GSE1: variants seen among roughly 807,000 people sequenced by gnomAD.
The protein encoded by GSE1 is Gse1 coiled-coil protein, also known as genetic suppressor element 1.
Under a neutral mutation model 112.6 loss-of-function variants are expected in GSE1, and 32 were observed. The observed-to-expected ratio is 0.28, with a 90% confidence interval of 0.21 to 0.38. The LOEUF (loss-of-function observed/expected upper bound fraction) is 0.38, where lower values mean the gene tolerates loss of function less well. Ranked by LOEUF, GSE1 falls within the 10% of genes least tolerant of loss-of-function variation. GSE1 has a pLI of 1.00. For synonymous variants in GSE1, 1,115 were observed against 735.6 expected (o/e 1.52, Z -8.35); for missense variants, 2,348 against 1,699.2 (o/e 1.38, Z -6.71).
In GSE1 at chr16:85,534,646, C is replaced by T. The variant is rs1032652871; in HGVS notation, c.2465-99268C>T. ...TGTCTGCAGACTCCTGGGTCGTGTC[C>T]GCCTCTTGGCCGCTGCTGGTCGTGC... is the stretch of plus-strand genomic sequence containing the variant. On this transcript the variant is annotated intron_variant, in intron 2 of 2. Coordinates refer to the GSE1 transcript ENST00000637419. 3.3e-5 allele frequency among the ~76,000 whole-genome samples: 5 copies of T among 152,248 alleles called. No individual in the cohort carries two copies. The South Asian group carries it at 6.2e-4, about 19-fold the overall frequency.
chr16:85,648,091 G>T lies in GSE1; in HGVS notation c.227-461G>T, dbSNP rs528789858. 3.9e-5 allele frequency among the ~76,000 whole-genome samples: 6 copies of T among 152,112 alleles called. No individual in the cohort carries two copies. The South Asian group carries it at 1.2e-3, about 32-fold the overall frequency. On this transcript the variant is annotated intron_variant, in intron 2 of 15. Transcript: ENST00000253458. ...GCAGGGTGTGTGGCCCAGCTGGCCT[G>T]TGTGTCCTGGGATGTCCACAGGCCC...
intron 1 of GSE1, among the ~76,000 whole-genome samples, chr16:85,597,396 A>AAAG (rs1279476969): frequency 4.0e-4 from 60 of 150,012 alleles, no homozygotes; most frequent in South Asian, 2.5e-3. Context: ...AAAAAAAAAA[A>AAAG]AAGAAGAAGA....
intron 1 of GSE1, among the ~76,000 whole-genome samples, chr16:85,606,001 T>C (rs2047687617): frequency 6.6e-6 from 1 of 152,094 alleles, no homozygotes; most frequent in African/African-American, 2.4e-5. Flanking sequence ...TTCTGTTGAG[T>C]TGACATCATT....
At chr16:85,240,147 A>G (rs76682290) in intron 1 of GSE1, among the ~76,000 whole-genome samples, 370 of 152,366 alleles carry the variant, frequency 2.4e-3, no homozygotes, top group African/African-American at 8.5e-3. Flanking sequence ...TTGTTCTCCA[A>G]GCGTTCTTGT....
At chr16:85,518,937 C>T (rs991238362) in intron 2 of GSE1, among the ~76,000 whole-genome samples, 1 of 152,156 alleles carries the variant, frequency 6.6e-6, no homozygotes, top group Non-Finnish European at 1.5e-5. Flanking sequence ...TTTTTCTTCT[C>T]TGGACCTGGA....
chr16:85,517,251 G>A (rs549267034), intron 2 of GSE1, among the ~76,000 whole-genome samples: 6 of 152,238 alleles, frequency 3.9e-5, no homozygotes, highest in African/African-American at 1.4e-4. Flanking sequence ...TGTGGGAGGC[G>A]GGAGGAGATG....
At chr16:85,453,781 C>T (rs1383420332) in intron 2 of GSE1, among the ~76,000 whole-genome samples, 5 of 152,200 alleles carry the variant, frequency 3.3e-5, no homozygotes, top group Non-Finnish European at 5.9e-5. Context: ...CGGTCGCACC[C>T]CATCCAGCTC....
chr16:85,612,224 G>T (rs1035894078), upstream of GSE1, among the ~76,000 whole-genome samples: 3 of 149,250 alleles, frequency 2.0e-5, no homozygotes, highest in African/African-American at 7.4e-5. Flanking sequence ...CTGGGGACGC[G>T]CCCGCCGCGA....
intron 2 of GSE1, among the ~76,000 whole-genome samples, chr16:85,361,131 AC>A (rs1555569965): frequency 4.3e-5 from 5 of 115,498 alleles, no homozygotes; most frequent in Non-Finnish European, 7.4e-5. Context: ...ACAGGCACAG[AC>A]CCCCCCCACA....
At chr16:85,481,874 G>A (rs1185546233) in intron 2 of GSE1, among the ~76,000 whole-genome samples, 2 of 152,236 alleles carry the variant, frequency 1.3e-5, no homozygotes, top group African/African-American at 4.8e-5. Context: ...ACGGCGCAGA[G>A]GTGGCAGAGC....
chr16:85,590,069 CTGAT>C lies in GSE1; in HGVS notation c.37+33709_37+33712del, dbSNP rs548808463. Among the ~76,000 whole-genome samples the C allele has an allele frequency of 3.6e-3, 549 of 152,076 alleles. 4 individuals carry two copies. The highest frequency in any genetic ancestry group is 0.011 in the African/African-American group (471 of 41,468). On this transcript the variant is annotated intron_variant, in intron 1 of 2. Coordinates refer to the GSE1 transcript ENST00000635906. Reference sequence around the variant, plus strand: ...GTGAACTGTGTGTTTATGAATGTATCTGATTGTGAAGGTGTGTGTGAGGCGTGTG... The same window carrying C: ...GTGAACTGTGTGTTTATGAATGTATCTGTGAAGGTGTGTGTGAGGCGTGTG...
At chr16:85,475,245 C>A (rs1379391668) in intron 2 of GSE1, among the ~76,000 whole-genome samples, 1 of 152,226 alleles carries the variant, frequency 6.6e-6, no homozygotes, top group African/African-American at 2.4e-5. Context: ...AAACCAGGGG[C>A]AGCAGGGGAG....
intron 5 of GSE1, 126 bp downstream of exon 5, chr16:85,655,117 C>A (rs1431941097): frequency 1.3e-5 from 9 of 689,050 alleles, no homozygotes; most frequent in African/African-American, 1.2e-4. Flanking sequence ...TAGAGTAGCC[C>A]CTGAAATCGT....
intron 1 of GSE1, among the ~76,000 whole-genome samples, chr16:85,283,744 T>C (rs961987473): frequency 6.6e-6 from 1 of 152,224 alleles, no homozygotes; most frequent in African/African-American, 2.4e-5. Context: ...CAGTGCTTCA[T>C]AAGTGTATTA....
At chr16:85,596,904 C>T (rs1426736751) in intron 1 of GSE1, among the ~76,000 whole-genome samples, 2 of 151,856 alleles carry the variant, frequency 1.3e-5, no homozygotes, top group Admixed American at 6.6e-5. Flanking sequence ...GGCGTGGTGG[C>T]ACACACCTGT....
intron 2 of GSE1, among the ~76,000 whole-genome samples, chr16:85,646,599 G>T (rs1256887954): frequency 3.3e-5 from 5 of 152,202 alleles, no homozygotes; most frequent in African/African-American, 4.8e-5. Context: ...GCGGAGATCT[G>T]CCCTGGGCCT....
At chr16:85,307,373 T>C (rs2966870) in intron 1 of GSE1, among the ~76,000 whole-genome samples, 116,683 of 152,204 alleles carry the variant, frequency 0.77, 45,053 homozygotes, top group East Asian at 0.9. Flanking sequence ...CACACCTGCC[T>C]AGCTCAGGGG....
At chr16:85,201,918 C>G (rs1003943295) in intron 1 of GSE1, among the ~76,000 whole-genome samples, 1 of 152,212 alleles carries the variant, frequency 6.6e-6, no homozygotes, top group Non-Finnish European at 1.5e-5. Flanking sequence ...GAAGCTAGGG[C>G]TTTTCAGTGC....
intron 2 of GSE1, among the ~76,000 whole-genome samples, chr16:85,388,157 T>C (rs1392267914): frequency 1.3e-5 from 2 of 150,542 alleles, no homozygotes; most frequent in African/African-American, 2.5e-5. Context: ...GGTGAATGAA[T>C]GGGTGAGTGG....
Sources: allele counts gnomAD v4.1 joint callset (sites outside exome capture counted in the v4.1 genomes callset), GRCh38; gene constraint gnomAD v4.1.1; transcripts MANE v1.5; gene names NCBI Gene and HGNC (gene_info 2026-07-23, HGNC 2026-07-21).